Variants in ELMO1 observed in about 807,000 individuals in gnomAD.
ELMO1 encodes engulfment and cell motility protein 1.
In ELMO1, 26 loss-of-function variants were observed where a neutral mutation model predicts 98.9. The ratio of observed to expected loss-of-function variants is 0.26; its 90% confidence interval spans 0.19 to 0.36. The LOEUF (loss-of-function observed/expected upper bound fraction) is 0.36. Ranked by LOEUF, ELMO1 falls within the 10% of genes least tolerant of loss-of-function variation. The pLI, the probability that ELMO1 is intolerant of heterozygous loss-of-function variation, is 1.00. For synonymous variants in ELMO1, 346 were observed against 346.0 expected (o/e 1.00, Z 0.00); for missense variants, 627 against 935.2 (o/e 0.67, Z 4.30).
chr7:37,091,452 T>TA (rs1784087631), intron 15 of ELMO1, among the ~76,000 whole-genome samples: 1 of 152,112 alleles, frequency 6.6e-6, no homozygotes, highest in Non-Finnish European at 1.5e-5. Context: ...ATAACAACAA[T>TA]AAAAAATAGC....
chr7:37,344,041 T>TTTC, intron 1 of ELMO1, among the ~76,000 whole-genome samples: 1 of 150,642 alleles, frequency 6.6e-6, no homozygotes, highest in East Asian at 1.9e-4. Flanking sequence ...GCATTTTTTT[T>TTTC]TTTTTTTTGA....
intron 15 of ELMO1, among the ~76,000 whole-genome samples, chr7:37,017,660 A>G (rs1311947091): frequency 6.6e-6 from 1 of 152,180 alleles, no homozygotes; most frequent in African/African-American, 2.4e-5. Context: ...CAGCATAAAA[A>G]TGAGGGCTAT....
chr7:37,360,737 T>C (rs1206571283), intron 1 of ELMO1, among the ~76,000 whole-genome samples: 2 of 152,140 alleles, frequency 1.3e-5, no homozygotes, highest in East Asian at 3.9e-4. Flanking sequence ...TAAAGAGAAA[T>C]TGCGCTCTGC....
chr7:37,115,057 T>C lies in ELMO1; in HGVS notation c.1191+18073A>G, dbSNP rs75272471. Among the ~76,000 whole-genome samples, 161 of 152,102 alleles carry C rather than the reference T, an allele frequency of 1.1e-3. 3 individuals carry two copies. In the East Asian group the frequency reaches 0.023, roughly 22 times the overall value. ...CTACAAGAACCCACACAAGAAGAAA[T>C]AGACAATCTGAAGAGACCTATATCT... On this transcript the variant is annotated intron_variant, in intron 14 of 21. Coordinates refer to ENST00000310758, the MANE Select transcript of ELMO1 (RefSeq NM_014800.11).
intron 15 of ELMO1, among the ~76,000 whole-genome samples, chr7:37,073,221 T>C (rs1797374840): frequency 6.6e-6 from 1 of 152,172 alleles, no homozygotes; most frequent in Non-Finnish European, 1.5e-5. Flanking sequence ...TATCTAGTCA[T>C]TAAAGAATAT....
intron 15 of ELMO1, among the ~76,000 whole-genome samples, chr7:37,095,138 T>C (rs768646129): frequency 6.6e-6 from 1 of 152,166 alleles, no homozygotes; most frequent in South Asian, 2.1e-4. Flanking sequence ...GAGCAGTACC[T>C]TGGACACAGA....
At chr7:37,276,487 T>A (rs1796841003) in intron 4 of ELMO1, among the ~76,000 whole-genome samples, 1 of 151,980 alleles carries the variant, frequency 6.6e-6, no homozygotes. Flanking sequence ...GGCAGGCGCC[T>A]GTAGTCCCAG....
intron 1 of ELMO1, among the ~76,000 whole-genome samples, chr7:37,447,631 C>T (rs189633013): frequency 6.8e-6 from 1 of 147,812 alleles, no homozygotes; most frequent in East Asian, 2.0e-4. Context: ...ACACACACAC[C>T]CACAACACCC....
At chr7:37,400,077 A>C (rs1170983664) in intron 1 of ELMO1, among the ~76,000 whole-genome samples, 1 of 152,230 alleles carries the variant, frequency 6.6e-6, no homozygotes, top group South Asian at 2.1e-4. Context: ...TTAATATGGT[A>C]CAAGTTTGAT....
intron 13 of ELMO1, among the ~76,000 whole-genome samples, chr7:37,185,554 T>C (rs544442344): frequency 2.0e-5 from 3 of 152,300 alleles, no homozygotes; most frequent in Non-Finnish European, 2.9e-5. Flanking sequence ...CAGCACTGTA[T>C]ATATATACAT....
At chr7:37,121,165 A>G (rs1786003092) in intron 14 of ELMO1, among the ~76,000 whole-genome samples, 1 of 152,174 alleles carries the variant, frequency 6.6e-6, no homozygotes, top group African/African-American at 2.4e-5. Flanking sequence ...TAAAACCACA[A>G]AGATGGGGAA....
intron 15 of ELMO1, among the ~76,000 whole-genome samples, chr7:37,057,822 T>C (rs987314808): frequency 6.6e-6 from 1 of 152,120 alleles, no homozygotes; most frequent in African/African-American, 2.4e-5. Context: ...GTTCACTGAG[T>C]TAATGATCTC....
chr7:37,133,892 A>G (rs1787089968), intron 13 of ELMO1, among the ~76,000 whole-genome samples: 1 of 152,222 alleles, frequency 6.6e-6, no homozygotes, highest in Non-Finnish European at 1.5e-5. Flanking sequence ...AATAATAGCT[A>G]CAGATATGCA....
intron 16 of ELMO1, among the ~76,000 whole-genome samples, chr7:36,911,011 G>C (rs1784307939): frequency 6.6e-6 from 1 of 152,150 alleles, no homozygotes; most frequent in Non-Finnish European, 1.5e-5. Context: ...TCTATCTTTA[G>C]GAAATCGATG....
chr7:37,040,539 C>T (rs1247840447), intron 15 of ELMO1, among the ~76,000 whole-genome samples: 1 of 152,200 alleles, frequency 6.6e-6, no homozygotes, highest in African/African-American at 2.4e-5. Flanking sequence ...ACGCAGAACT[C>T]TGTGGATGCC....
At chr7:37,080,589 C>T (rs1797815899) in intron 15 of ELMO1, among the ~76,000 whole-genome samples, 1 of 150,318 alleles carries the variant, frequency 6.7e-6, no homozygotes, top group African/African-American at 2.5e-5. Flanking sequence ...AGGCGCCTGC[C>T]ACCACGCCTA....
chr7:37,279,795 G>A (rs1484316959), intron 4 of ELMO1, among the ~76,000 whole-genome samples: 2 of 152,154 alleles, frequency 1.3e-5, no homozygotes, highest in African/African-American at 4.8e-5. Context: ...ATCTGTAGCC[G>A]AACTTTGTAT....
chr7:37,168,936 C>T (rs1289081060), intron 13 of ELMO1, among the ~76,000 whole-genome samples: 2 of 152,158 alleles, frequency 1.3e-5, no homozygotes, highest in Non-Finnish European at 2.9e-5. Flanking sequence ...GTGCCCTGTC[C>T]CCAGAGGTGG....
intron 13 of ELMO1, among the ~76,000 whole-genome samples, chr7:37,155,711 A>G (rs183997745): frequency 1.4e-3 from 215 of 152,260 alleles, no homozygotes; most frequent in African/African-American, 4.8e-3. Flanking sequence ...TCAGACTCCC[A>G]CTAAATAATA....
Sources: gnomAD v4.1 joint callset for allele counts (sites outside exome capture counted in the v4.1 genomes callset) on GRCh38, gnomAD v4.1.1 for gene constraint, MANE v1.5 for transcripts, NCBI Gene and HGNC (gene_info 2026-07-23, HGNC 2026-07-21) for gene names.